PTPRD: variants seen among roughly 807,000 people sequenced by gnomAD.
PTPRD encodes receptor-type tyrosine-protein phosphatase delta.
Under a neutral mutation model 214.5 loss-of-function variants are expected in PTPRD, and 34 were observed. That is an observed-to-expected ratio of 0.16 (90% CI 0.12 to 0.21). The LOEUF (loss-of-function observed/expected upper bound fraction) is 0.21, where lower values mean the gene tolerates loss of function less well. Among genes scored for constraint, PTPRD ranks in the 10% least tolerant of loss-of-function variants. The probability of loss-of-function intolerance (pLI) is 1.00; values close to 1 mark genes in which losing one functional copy is unlikely to be tolerated. For synonymous variants in PTPRD, 1,128 were observed against 845.7 expected (o/e 1.33, Z -5.79); for missense variants, 2,545 against 2,398.7 (o/e 1.06, Z -1.27).
intron 9 of PTPRD, among the ~76,000 whole-genome samples, chr9:9,261,353 C>G (rs2099980033): frequency 6.6e-6 from 1 of 151,732 alleles, no homozygotes; most frequent in African/African-American, 2.4e-5. Context: ...TTCTTTTATT[C>G]CGATTTTAAT....
At chr9:10,117,417 G>T (rs1372896112) in intron 3 of PTPRD, among the ~76,000 whole-genome samples, 5 of 151,996 alleles carry the variant, frequency 3.3e-5, no homozygotes, top group East Asian at 3.9e-4. Flanking sequence ...ACAAAAACAA[G>T]AAAAATTTAT....
At chr9:10,301,323 A>T (rs890101782) in intron 3 of PTPRD, among the ~76,000 whole-genome samples, 1 of 152,182 alleles carries the variant, frequency 6.6e-6, no homozygotes, top group African/African-American at 2.4e-5. Context: ...AACCAGCACA[A>T]AAAGGCTGAA....
At chr9:10,440,556 T>C (rs907964202) in intron 2 of PTPRD, among the ~76,000 whole-genome samples, 4 of 151,464 alleles carry the variant, frequency 2.6e-5, no homozygotes, top group East Asian at 1.9e-4. Context: ...TAGAGAAAGA[T>C]AGAGCAAGAA....
chr9:9,346,884 G>C (rs1172312067), intron 9 of PTPRD, among the ~76,000 whole-genome samples: 1 of 151,908 alleles, frequency 6.6e-6, no homozygotes, highest in South Asian at 2.1e-4. Flanking sequence ...GTGGAGATAG[G>C]GTTTCACCAT....
intron 10 of PTPRD, among the ~76,000 whole-genome samples, chr9:9,094,461 C>G (rs917966117): frequency 6.6e-6 from 1 of 152,044 alleles, no homozygotes; most frequent in Non-Finnish European, 1.5e-5. Flanking sequence ...TAAGTGGGAG[C>G]TAAGCTAGGA....
chr9:8,850,244 AT>A (rs2097785114), intron 11 of PTPRD, among the ~76,000 whole-genome samples: 1 of 152,202 alleles, frequency 6.6e-6, no homozygotes, highest in African/African-American at 2.4e-5. Context: ...AAGCGAGGAA[AT>A]TTATTTTGAA....
In PTPRD at chr9:10,404,175, T is replaced by G. The variant is rs916459927; in HGVS notation, c.-599-63158A>C. 3.3e-5 allele frequency among the ~76,000 whole-genome samples: 5 copies of G among 151,862 alleles called. No individual in the cohort carries two copies. In the East Asian group the frequency reaches 7.8e-4, roughly 24 times the overall value. Reference sequence around the variant, plus strand: ...AAAACAATAAAGTTGACAAAAAAATTTAAAGTAATAAATAAATAATAAACA... The same window carrying G: ...AAAACAATAAAGTTGACAAAAAAATGTAAAGTAATAAATAAATAATAAACA... On this transcript the variant is annotated intron_variant, in intron 2 of 45. Transcript: ENST00000381196.
intron 11 of PTPRD, among the ~76,000 whole-genome samples, chr9:8,898,603 G>C (rs144594357): frequency 6.6e-6 from 1 of 152,260 alleles, no homozygotes; most frequent in African/African-American, 2.4e-5. Flanking sequence ...GGTTGAGTGA[G>C]ATTTTATATT....
chr9:8,711,966 C>A (rs756224128), intron 12 of PTPRD, among the ~76,000 whole-genome samples: 1 of 152,154 alleles, frequency 6.6e-6, no homozygotes, highest in African/African-American at 2.4e-5. Flanking sequence ...CTACATATTG[C>A]GGCAGTGTGA....
chr9:9,893,126 T>C (rs959024976), intron 5 of PTPRD, among the ~76,000 whole-genome samples: 2 of 152,016 alleles, frequency 1.3e-5, no homozygotes, highest in East Asian at 1.9e-4. Flanking sequence ...TATCACTATA[T>C]AGAATATAAT....
At chr9:10,508,881 C>T (rs1409216041) in intron 2 of PTPRD, among the ~76,000 whole-genome samples, 1 of 151,986 alleles carries the variant, frequency 6.6e-6, no homozygotes. Context: ...CAACATGGTA[C>T]ATGTATACAT....
intron 11 of PTPRD, among the ~76,000 whole-genome samples, chr9:8,871,930 T>C (rs1211248058): frequency 1.3e-5 from 2 of 152,178 alleles, no homozygotes; most frequent in Non-Finnish European, 2.9e-5. Flanking sequence ...ATTGGCATCA[T>C]TGTACTGGGG....
intron 9 of PTPRD, among the ~76,000 whole-genome samples, chr9:9,199,625 A>G (rs35155237): frequency 5.7e-4 from 87 of 152,222 alleles, no homozygotes; most frequent in Non-Finnish European, 1.2e-3. Context: ...CCATATTTGG[A>G]AAGATGAATA....
chr9:8,327,685 G>A lies in PTPRD; in HGVS notation c.5534+3897C>T, dbSNP rs548796621. Among the ~76,000 whole-genome samples the A allele has an allele frequency of 7.9e-4, 120 of 152,232 alleles. 1 individual carries two copies. The highest frequency in any genetic ancestry group is 2.6e-3 in the African/African-American group (110 of 41,536). On this transcript the variant is annotated intron_variant, in intron 44 of 45. Transcript: ENST00000381196. ...TGTGGGAGTCTAAGTCTCTTTGTAG[G>A]TCTCTAAGAACTTGCTTTATGAATC...
chr9:9,910,525 T>G (rs1425252281), intron 5 of PTPRD, among the ~76,000 whole-genome samples: 2 of 151,958 alleles, frequency 1.3e-5, no homozygotes, highest in African/African-American at 4.8e-5. Flanking sequence ...GTCTGAAAAT[T>G]TCTGTTCAGC....
intron 3 of PTPRD, among the ~76,000 whole-genome samples, chr9:10,153,588 T>C (rs964190714): frequency 1.3e-5 from 2 of 151,988 alleles, no homozygotes; most frequent in Admixed American, 1.3e-4. Flanking sequence ...AGGTTTGTTA[T>C]ATAGGTGAAC....
intron 2 of PTPRD, among the ~76,000 whole-genome samples, chr9:10,355,342 A>C (rs1232196885): frequency 1.3e-4 from 20 of 151,956 alleles, no homozygotes. Flanking sequence ...CAGACTTCCC[A>C]GGTTCAATAC....
chr9:10,449,327 T>G (rs1430224491), intron 2 of PTPRD, among the ~76,000 whole-genome samples: 1 of 151,954 alleles, frequency 6.6e-6, no homozygotes, highest in Admixed American at 6.5e-5. Flanking sequence ...AGACGGAGTC[T>G]CGCTCACTCA....
At chr9:10,556,122 A>G (rs950103900) in intron 2 of PTPRD, among the ~76,000 whole-genome samples, 5 of 152,144 alleles carry the variant, frequency 3.3e-5, no homozygotes, top group Non-Finnish European at 7.4e-5. Context: ...TGAGACTGCA[A>G]TCAGTATTTG....
Sources: gnomAD v4.1 joint callset for allele counts (sites outside exome capture counted in the v4.1 genomes callset) on GRCh38, gnomAD v4.1.1 for gene constraint, MANE v1.5 for transcripts, NCBI Gene and HGNC (gene_info 2026-07-23, HGNC 2026-07-21) for gene names.